The following TP53BP1 variants were observed in gnomAD, a reference collection of about 807,000 sequenced individuals.
TP53BP1 encodes the protein TP53-binding protein 1.
TP53BP1 carries 61 observed loss-of-function variants against 200.8 expected under a neutral mutation model. That is an observed-to-expected ratio of 0.30 (90% CI 0.25 to 0.38). The LOEUF (loss-of-function observed/expected upper bound fraction) is 0.38. Ranked by LOEUF, TP53BP1 falls within the 10% of genes least tolerant of loss-of-function variation. The pLI is 1.00. For synonymous variants in TP53BP1, 822 were observed against 844.3 expected, an observed-to-expected ratio of 0.97 and a Z score of 0.46; for missense variants, 2,144 against 2,371.9, an observed-to-expected ratio of 0.90 and a Z score of 2.00.
intron 12 of TP53BP1, among the ~76,000 whole-genome samples, chr15:43,449,612 A>C (rs1342478669): frequency 6.6e-6 from 1 of 152,178 alleles, no homozygotes; most frequent in African/African-American, 2.4e-5. Flanking sequence ...CAGGTCTCCA[A>C]TGCCTCATTC....
At chr15:43,410,751 G>A (rs1037693523) in intron 24 of TP53BP1, among the ~76,000 whole-genome samples, 2 of 152,084 alleles carry the variant, frequency 1.3e-5, no homozygotes, top group East Asian at 1.9e-4. Flanking sequence ...GATCCCTTAT[G>A]ACGGCTCCCC....
At chr15:43,458,793 C>CAA (rs36041864) in intron 11 of TP53BP1, among the ~76,000 whole-genome samples, 14 of 141,746 alleles carry the variant, frequency 9.9e-5, no homozygotes, top group African/African-American at 3.0e-4. Context: ...CAAAAAAAGA[C>CAA]AAAAAAAAAA....
In TP53BP1 at chr15:43,403,776, G is replaced by T. The variant is rs770105036; in HGVS notation, c.*3607C>A. ...AGGCCCACTGGATGAGCGTGGAGCC[G>T]CCCAGCTGAGCATTCTCGTGAAGGT... On this transcript the variant is annotated 3_prime_UTR_variant, in exon 28 of 28. Coordinates refer to ENST00000382044, the MANE Select transcript of TP53BP1 (RefSeq NM_001141980.3). 3 of 1,613,678 alleles carry T rather than the reference G, an allele frequency of 1.9e-6. No homozygotes were observed. The highest frequency in any genetic ancestry group is 2.5e-6 in the Non-Finnish European group (3 of 1,179,764).
At chr15:43,494,958 G>A (rs1409716776), upstream of TP53BP1, among the ~76,000 whole-genome samples, 2 of 152,014 alleles carry the variant, frequency 1.3e-5, no homozygotes, top group African/African-American at 4.8e-5. Flanking sequence ...GGAGGCAGAG[G>A]CAGGTGGATT....
intron 4 of TP53BP1, among the ~76,000 whole-genome samples, chr15:43,481,764 G>A (rs1365574456): frequency 2.0e-5 from 3 of 149,760 alleles, no homozygotes; most frequent in Admixed American, 6.7e-5. Flanking sequence ...GCAGTGAGCC[G>A]AGATCGCGCC....
chr15:43,408,810 A>C, intron 26 of TP53BP1, 87 bp downstream of exon 26: 1 of 1,335,530 alleles, frequency 7.5e-7, no homozygotes, highest in Non-Finnish European at 1.1e-6. Flanking sequence ...ATTTCTAGAA[A>C]GCTTTACTCT....
Position 43,404,129 on chromosome 15 carries a change from T to C in TP53BP1, c.*3254A>G, listed in dbSNP as rs2044774980. The stretch of plus-strand genomic sequence containing the variant: ...CACTGAGATAATTATCTGCTTGTAA[T>C]CAAAACGGGTTCTCCCCAACCCCAG... On this transcript the variant is annotated 3_prime_UTR_variant, in exon 28 of 28. Transcript: ENST00000382044. The C allele has an allele frequency of 3.9e-6, 2 of 517,624 alleles. No homozygotes were observed. The highest frequency in any genetic ancestry group is 3.4e-6 in the Non-Finnish European group (1 of 290,854). The allele number at this position is 517,624 out of a possible 1,614,324, so 32.1% of individuals were successfully genotyped here.
chr15:43,408,280 C>T (rs2044986531), intron 26 of TP53BP1, 192 bp from the exon 27 acceptor site: 1 of 561,482 alleles, frequency 1.8e-6, no homozygotes, highest in African/African-American at 1.9e-5. Flanking sequence ...GAGTTCGAGA[C>T]CAGCCTGGGC....
chr15:43,450,186 T>A (rs2046134463), intron 12 of TP53BP1, among the ~76,000 whole-genome samples: 1 of 152,220 alleles, frequency 6.6e-6, no homozygotes, highest in African/African-American at 2.4e-5. Flanking sequence ...TGAAACCACC[T>A]GAGTGGGAGT....
At chr15:43,489,892 T>C (rs902660004) in intron 4 of TP53BP1, among the ~76,000 whole-genome samples, 15 of 151,714 alleles carry the variant, frequency 9.9e-5, no homozygotes, top group Admixed American at 9.9e-4. Flanking sequence ...AGACACAGAG[T>C]GTAAAATAAA....
At position 43,480,114 on chromosome 15, in the gene TP53BP1, C is replaced by T. The variant is rs1271790596; in HGVS notation, c.500-97G>A. ...CAAAGGAGGGTCCCGTTAAGTCCTT[C>T]ACATCAAAGCCCTGTGCACCCCCCA... is the stretch of plus-strand genomic sequence containing the variant. On this transcript the variant is annotated intron_variant, in intron 5 of 27. Coordinates refer to ENST00000382044, the MANE Select transcript of TP53BP1 (RefSeq NM_001141980.3). 3 of 1,142,532 alleles carry T rather than the reference C, an allele frequency of 2.6e-6. No individual in the cohort carries two copies. The African/African-American group carries it at 4.7e-5, about 18-fold the overall frequency. 70.8% of individuals were successfully genotyped at this position (1,142,532 alleles called of 1,614,324 possible).
rs553630129 is a variant in TP53BP1, at chr15:43,421,230, C to A, written c.4101-56G>T. On this transcript the variant is annotated intron_variant, in intron 19 of 27. Transcript: ENST00000382044. ...CACCTGCTACTGAATCTTTTCTTCACAAAGTCTCCCCTTGGCCCTCAGACT... is the reference window on the plus strand; with the variant it reads ...CACCTGCTACTGAATCTTTTCTTCAAAAAGTCTCCCCTTGGCCCTCAGACT... 14 of 1,583,300 alleles carry A rather than the reference C, an allele frequency of 8.8e-6. No homozygotes were observed. In the East Asian group the frequency reaches 2.9e-4, roughly 33 times the overall value.
At position 43,457,057 on chromosome 15, in the gene TP53BP1, A is replaced by T. The variant is rs765650512; in HGVS notation, c.1551T>A (p.Ser517=). Residue 517 remains serine, a synonymous_variant, in exon 12 of 28, where the codon TCT becomes TCA. Transcript: ENST00000382044. The stretch of plus-strand genomic sequence containing the variant: ...CACTTGTAGAAAGCATCAACTTGCA[A>T]GAATCCCCTGTCAAAGATAGCCCAA... ...EDLGLSLTGD[S]CKLMLSTSEY... 50 of 1,614,108 alleles carry T rather than the reference A, an allele frequency of 3.1e-5. No individual in the cohort carries two copies. The highest frequency in any genetic ancestry group is 3.3e-4 in the Middle Eastern group (2 of 6,084).
At chr15:43,484,736 T>C (rs1037593078) in intron 4 of TP53BP1, among the ~76,000 whole-genome samples, 1 of 149,430 alleles carries the variant, frequency 6.7e-6, no homozygotes, top group African/African-American at 2.6e-5. Context: ...TAACAGCAAA[T>C]ACACACTTAC....
chr15:43,472,849 G>A (rs2046760094), intron 10 of TP53BP1, among the ~76,000 whole-genome samples: 1 of 152,188 alleles, frequency 6.6e-6, no homozygotes, highest in Non-Finnish European at 1.5e-5. Context: ...AATGGGGGAT[G>A]GTGTGTCCAG....
intron 15 of TP53BP1, chr15:43,441,173 G>C (rs1231311873): frequency 5.2e-6 from 1 of 192,224 alleles, no homozygotes; most frequent in Admixed American, 5.8e-5. Context: ...GAAGGAACAA[G>C]GTCTGTAGCT....
In TP53BP1 at chr15:43,456,370, C is replaced by T. The variant is rs1296266416; in HGVS notation, c.2238G>A (p.Lys746=). 2.5e-6 allele frequency: 4 copies of T among 1,609,318 alleles called. No individual in the cohort carries two copies. The highest frequency in any genetic ancestry group is 1.3e-5 in the African/African-American group (1 of 74,702). Residue 746 remains lysine, a synonymous_variant, in exon 12 of 28, where the codon AAG becomes AAA. Transcript: ENST00000382044. ...LAILDQELEH[K]EQEAWEEATS... ...TAGCTTCTTCCCAAGCTTCCTGTTC[C>T]TTATGTTCCAATTCTTGGTCAAGTA...
intron 16 of TP53BP1, among the ~76,000 whole-genome samples, chr15:43,433,308 T>G (rs1011625134): frequency 6.6e-6 from 1 of 152,216 alleles, no homozygotes; most frequent in African/African-American, 2.4e-5. Flanking sequence ...TTTTTTTTCA[T>G]AAGTCATCCC....
chr15:43,479,058 T>A (rs147567639), intron 7 of TP53BP1, among the ~76,000 whole-genome samples: 60 of 152,108 alleles, frequency 3.9e-4, no homozygotes, highest in African/African-American at 1.3e-3. Context: ...AACAAAAAAA[T>A]TTTTTTAATC....
Sources: allele counts gnomAD v4.1 joint callset (sites outside exome capture counted in the v4.1 genomes callset), GRCh38; gene constraint gnomAD v4.1.1; transcripts MANE v1.5; gene names NCBI Gene and HGNC (gene_info 2026-07-23, HGNC 2026-07-21).